NALF1: variants seen among roughly 807,000 people sequenced by gnomAD.
NALF1 encodes the protein family with sequence similarity 155 member A.
A neutral mutation model predicts 48.4 loss-of-function variants in NALF1; 3 were observed. The ratio of observed to expected loss-of-function variants is 0.06; its 90% CI spans 0.03 to 0.16. The LOEUF is 0.16. NALF1 is among the 10% of genes least tolerant of loss of function. The pLI, the probability that NALF1 is intolerant of heterozygous loss-of-function variation, is 1.00. For synonymous variants in NALF1, 262 were observed against 245.7 expected (o/e 1.07, Z -0.62); for missense variants, 526 against 571.5 (o/e 0.92, Z 0.81).
chr13:107,649,719 T>C lies in NALF1; in HGVS notation c.915+215963A>G, dbSNP rs566760614. 7.2e-5 allele frequency among the ~76,000 whole-genome samples: 11 copies of C among 152,274 alleles called. No individual in the cohort carries two copies. In the East Asian group the frequency reaches 2.1e-3, roughly 29 times the overall value. ...TTTTAAATGTCATGGCCACCTTGAA[T>C]GATAATTAAAAGGAAAGCTACAATA... On this transcript the variant is annotated intron_variant, in intron 1 of 2. Transcript: ENST00000375915.
At chr13:107,856,057 C>T (rs1045255705) in intron 1 of NALF1, among the ~76,000 whole-genome samples, 1 of 152,120 alleles carries the variant, frequency 6.6e-6, no homozygotes, top group Non-Finnish European at 1.5e-5. Context: ...GTATGCACCA[C>T]CATGCCCGGC....
chr13:107,254,143 G>T (rs185547646), intron 1 of NALF1, among the ~76,000 whole-genome samples: 50 of 151,758 alleles, frequency 3.3e-4, no homozygotes, highest in African/African-American at 1.1e-3. Flanking sequence ...ATTACACACA[G>T]GCAAGACATT....
intron 1 of NALF1, among the ~76,000 whole-genome samples, chr13:107,621,603 G>A (rs1201904781): frequency 1.3e-5 from 2 of 152,194 alleles, no homozygotes; most frequent in Non-Finnish European, 2.9e-5. Flanking sequence ...TACTATAGGT[G>A]TTATTACTTT....
At chr13:107,398,280 C>T (rs1249422058) in intron 1 of NALF1, among the ~76,000 whole-genome samples, 1 of 151,480 alleles carries the variant, frequency 6.6e-6, no homozygotes, top group Non-Finnish European at 1.5e-5. Flanking sequence ...ATGTTTCTCC[C>T]AGTGTTACAA....
chr13:107,239,182 A>C (rs1880414062), intron 1 of NALF1, among the ~76,000 whole-genome samples: 1 of 152,130 alleles, frequency 6.6e-6, no homozygotes, highest in Admixed American at 6.6e-5. Context: ...CTGTAATCCA[A>C]CTGAGTGACT....
intron 1 of NALF1, among the ~76,000 whole-genome samples, chr13:107,680,794 TGA>T (rs1395471670): frequency 3.3e-5 from 5 of 149,802 alleles, no homozygotes; most frequent in African/African-American, 9.9e-5. Flanking sequence ...TGTGTGTCCA[TGA>T]GAGAGGGTGA....
intron 1 of NALF1, among the ~76,000 whole-genome samples, chr13:107,283,617 ATTAT>A (rs71121515): frequency 0.11 from 16,185 of 145,416 alleles, 1,060 homozygotes; most frequent in African/African-American, 0.17. Context: ...GCGGATCTTC[ATTAT>A]TTATTTATTT....
In NALF1 at chr13:107,523,337, C is replaced by T. The variant is rs545073756; in HGVS notation, c.916-312582G>A. Among the ~76,000 whole-genome samples, 11 of 152,180 alleles carry T rather than the reference C, an allele frequency of 7.2e-5. No homozygotes were observed. In the East Asian group the frequency reaches 1.9e-3, roughly 27 times the overall value. On this transcript the variant is annotated intron_variant, in intron 1 of 2. Coordinates refer to ENST00000375915, the MANE Select transcript of NALF1 (RefSeq NM_001080396.3). ...TTTTAGAATCTCAGTAGCAAAAGTG[C>T]CCTTGTGCACCACTGCACAATAAGA...
chr13:107,831,567 T>C (rs1449257948), intron 1 of NALF1, among the ~76,000 whole-genome samples: 1 of 152,060 alleles, frequency 6.6e-6, no homozygotes, highest in Non-Finnish European at 1.5e-5. Context: ...TACTGAGTAG[T>C]GCTGTGATTC....
chr13:107,711,826 G>T (rs1039312904), intron 1 of NALF1, among the ~76,000 whole-genome samples: 2 of 152,174 alleles, frequency 1.3e-5, no homozygotes, highest in African/African-American at 4.8e-5. Context: ...AAGAATGTAT[G>T]TTTTTTACTG....
At chr13:107,262,607 C>A (rs1052966894) in intron 1 of NALF1, among the ~76,000 whole-genome samples, 6 of 152,144 alleles carry the variant, frequency 3.9e-5, no homozygotes, top group Non-Finnish European at 8.8e-5. Flanking sequence ...AACATGATTT[C>A]TTTACACACA....
chr13:107,732,868 A>C (rs1274657616), intron 1 of NALF1, among the ~76,000 whole-genome samples: 1 of 152,310 alleles, frequency 6.6e-6, no homozygotes, highest in East Asian at 1.9e-4. Context: ...CTCTTCGTCC[A>C]TAAAGACACA....
chr13:107,858,618 C>G (rs762468632), intron 1 of NALF1, among the ~76,000 whole-genome samples: 4 of 152,184 alleles, frequency 2.6e-5, no homozygotes, highest in Non-Finnish European at 5.9e-5. Context: ...AACTGGGAGA[C>G]AGAGGTAGCA....
intron 1 of NALF1, among the ~76,000 whole-genome samples, chr13:107,554,123 A>T (rs939373544): frequency 2.6e-5 from 4 of 152,172 alleles, no homozygotes; most frequent in African/African-American, 9.7e-5. Context: ...CAAGCTCCTG[A>T]CACTACGTAG....
intron 1 of NALF1, among the ~76,000 whole-genome samples, chr13:107,514,616 T>G (rs2139090387): frequency 6.6e-6 from 1 of 152,292 alleles, no homozygotes; most frequent in Admixed American, 6.5e-5. Context: ...CTTGCACACC[T>G]GAATTGTTTG....
At chr13:107,850,833 G>A (rs150060305) in intron 1 of NALF1, among the ~76,000 whole-genome samples, 1,764 of 152,080 alleles carry the variant, frequency 0.012, 47 homozygotes, top group African/African-American at 0.04. Flanking sequence ...AACCCAGGAG[G>A]CAGAGGTTGC....
chr13:107,323,525 C>G (rs967215888), intron 1 of NALF1, among the ~76,000 whole-genome samples: 1 of 151,894 alleles, frequency 6.6e-6, no homozygotes, highest in Admixed American at 6.6e-5. Context: ...TCTCATATAG[C>G]GCTTTTTAAA....
At chr13:107,859,914 C>CAAAAAAA (rs778833499) in intron 1 of NALF1, among the ~76,000 whole-genome samples, 71 of 66,264 alleles carry the variant, frequency 1.1e-3, no homozygotes, top group Non-Finnish European at 1.3e-3. Context: ...AACTCCAACT[C>CAAAAAAA]AAAAAAAAAA....
intron 2 of NALF1, among the ~76,000 whole-genome samples, chr13:107,200,221 G>T (rs71435227): frequency 6.6e-6 from 1 of 152,200 alleles, no homozygotes; most frequent in Non-Finnish European, 1.5e-5. Flanking sequence ...GGGGGTCAGG[G>T]AGGACCTCCT....
Sources: allele counts gnomAD v4.1 joint callset (sites outside exome capture counted in the v4.1 genomes callset), GRCh38; gene constraint gnomAD v4.1.1; transcripts MANE v1.5; gene names NCBI Gene and HGNC (gene_info 2026-07-23, HGNC 2026-07-21).